The following PCDH11X variants were observed in gnomAD, a reference collection of about 807,000 sequenced individuals.
PCDH11X encodes protocadherin 11 X-linked, also known as protocadherin-11 X-linked.
PCDH11X carries 18 observed loss-of-function variants against 53.3 expected under a neutral mutation model. That is an observed-to-expected ratio of 0.34 (90% confidence interval 0.23 to 0.50). The LOEUF (loss-of-function observed/expected upper bound fraction) is 0.50, where lower values mean the gene tolerates loss of function less well. Among genes scored for constraint, PCDH11X ranks in the 20% least tolerant of loss-of-function variants. The pLI, the probability that PCDH11X is intolerant of heterozygous loss-of-function variation, is 0.98. For synonymous variants in PCDH11X, 279 were observed against 393.3 expected (o/e 0.71, Z 3.44); for missense variants, 570 against 1,032.4 (o/e 0.55, Z 6.14).
chrX:92,077,080 G>A (rs2063783853), intron 6 of PCDH11X, among the ~76,000 whole-genome samples: 1 of 111,842 alleles, frequency 8.9e-6, no homozygotes, highest in Non-Finnish European at 1.9e-5. Context: ...AAACTGTATA[G>A]CATCTATCAT....
intron 9 of PCDH11X, among the ~76,000 whole-genome samples, chrX:92,393,765 G>T (rs1359657156): frequency 9.1e-6 from 1 of 110,378 alleles, no homozygotes; most frequent in Non-Finnish European, 1.9e-5. Flanking sequence ...ATAAAGAATG[G>T]TTCCACCCAA....
intron 6 of PCDH11X, among the ~76,000 whole-genome samples, chrX:92,078,588 ACT>A (rs1336443749): frequency 4.5e-5 from 5 of 110,048 alleles, no homozygotes; most frequent in Non-Finnish European, 5.7e-5. Context: ...GCATGGTACC[ACT>A]CTCTCGATTA....
intron 6 of PCDH11X, among the ~76,000 whole-genome samples, chrX:91,916,564 A>C (rs1487290997): frequency 9.0e-6 from 1 of 110,927 alleles, no homozygotes; most frequent in Admixed American, 9.6e-5. Context: ...AAAACTAGGA[A>C]ATCTAGAGGA....
chrX:92,280,794 A>ATT (rs2068235347), intron 8 of PCDH11X, among the ~76,000 whole-genome samples: 2 of 110,381 alleles, frequency 1.8e-5, no homozygotes, highest in African/African-American at 6.6e-5. Flanking sequence ...TTTTTTTTAA[A>ATT]AAAAAATTGA....
chrX:92,087,776 G>A (rs6652289), intron 6 of PCDH11X, among the ~76,000 whole-genome samples: 2,602 of 109,573 alleles, frequency 0.024, 73 homozygotes, highest in African/African-American at 0.082. Context: ...GCTAAAAATG[G>A]AATTCATTTT....
chrX:91,975,401 A>G (rs920090490), intron 6 of PCDH11X, among the ~76,000 whole-genome samples: 85 of 111,914 alleles, frequency 7.6e-4, no homozygotes, highest in Non-Finnish European at 1.5e-3. Flanking sequence ...TTAAGATGTC[A>G]ATTAGATATC....
At chrX:92,402,415 T>C (rs1012131989) in intron 9 of PCDH11X, among the ~76,000 whole-genome samples, 8 of 111,247 alleles carry the variant, frequency 7.2e-5, no homozygotes, top group African/African-American at 3.3e-5. Flanking sequence ...CAAAACAACA[T>C]GGTACTGGTA....
chrX:91,875,139 CT>C (rs1358932067), intron 5 of PCDH11X, among the ~76,000 whole-genome samples: 1 of 110,426 alleles, frequency 9.1e-6, no homozygotes, highest in Non-Finnish European at 1.9e-5. Flanking sequence ...CCTCCAGTAC[CT>C]TTTTATCTCA....
intron 8 of PCDH11X, among the ~76,000 whole-genome samples, chrX:92,315,185 C>T (rs2755343): frequency 5.5e-4 from 62 of 111,729 alleles, no homozygotes; most frequent in African/African-American, 1.8e-3. Flanking sequence ...TGCTCATAGA[C>T]GCACTGTAAT....
At chrX:91,940,695 A>ATT (rs10611094) in intron 6 of PCDH11X, among the ~76,000 whole-genome samples, 7 of 84,928 alleles carry the variant, frequency 8.2e-5, no homozygotes, top group Non-Finnish European at 1.4e-4. Flanking sequence ...GGCTAATAGA[A>ATT]TTTTTTTTTT....
At chrX:92,117,150 T>C (rs777082866) in intron 6 of PCDH11X, among the ~76,000 whole-genome samples, 1 of 108,484 alleles carries the variant, frequency 9.2e-6, no homozygotes, top group Non-Finnish European at 1.9e-5. Flanking sequence ...CAAACAGTAA[T>C]ACTGTGGTAG....
chrX:92,559,307 C>T (rs1371461640), intron 10 of PCDH11X, among the ~76,000 whole-genome samples: 1 of 111,160 alleles, frequency 9.0e-6, no homozygotes, highest in East Asian at 2.8e-4. Context: ...ATGTTTATGA[C>T]TAATCAAATA....
chrX:92,226,713 C>T (rs1025449287), intron 7 of PCDH11X, among the ~76,000 whole-genome samples: 1 of 110,765 alleles, frequency 9.0e-6, no homozygotes, highest in Non-Finnish European at 1.9e-5. Flanking sequence ...GTAGTCTAGC[C>T]TCAGGGAGAA....
intron 6 of PCDH11X, among the ~76,000 whole-genome samples, chrX:91,963,787 G>A (rs1300371333): frequency 9.0e-6 from 1 of 111,003 alleles, no homozygotes; most frequent in Non-Finnish European, 1.9e-5. Context: ...CAGCATGGCT[G>A]GAGAAGCCTC....
chrX:92,012,999 C>T (rs182701085), intron 6 of PCDH11X, among the ~76,000 whole-genome samples: 1,610 of 111,565 alleles, frequency 0.014, 37 homozygotes, highest in African/African-American at 0.05. Context: ...CTCACCACTC[C>T]TTTTCAACAT....
rs1180864638 is a variant in PCDH11X at position 92,100,445 on chromosome X, C to CAAA, written c.3034-100928_3034-100927insAAA. On this transcript the variant is annotated intron_variant, in intron 6 of 10. Coordinates refer to ENST00000682573, the MANE Select transcript of PCDH11X (RefSeq NM_032968.5). ...CTCTGGCGGGTAGGAGTGGGGGTCG[C>CAAA]AAGGTGCTCAGTGGGGGTGCTTTTT... 4.9e-3 allele frequency among the ~76,000 whole-genome samples: 530 copies of CAAA among 109,115 alleles called. 1 individual carries two copies. Among genetic ancestry groups the CAAA allele is most frequent in the African/African-American group, 0.017 (500 of 29,664 alleles). The allele number at this position is 109,115 out of a possible 115,157, so 94.8% of individuals were successfully genotyped here. A position where few individuals can be genotyped will look rare whatever the true frequency, so the allele number is the denominator to read the frequency against.
chrX:91,911,509 T>A (rs1294309092), intron 6 of PCDH11X, among the ~76,000 whole-genome samples: 1 of 106,835 alleles, frequency 9.4e-6, no homozygotes, highest in African/African-American at 3.4e-5. Flanking sequence ...AATTAAATTA[T>A]TATTGACTAT....
At chrX:92,261,050 G>GT (rs1463013387) in intron 7 of PCDH11X, among the ~76,000 whole-genome samples, 2 of 110,375 alleles carry the variant, frequency 1.8e-5, no homozygotes, top group African/African-American at 3.3e-5. Context: ...TTTTCATCAT[G>GT]TTTTTTCCCC....
rs1483470731 is a variant in PCDH11X, at chrX:91,951,857, A to G, written c.3033+72584A>G. On this transcript the variant is annotated intron_variant, in intron 6 of 10. Transcript: ENST00000682573. Reference sequence around the variant, plus strand: ...ACCCGTTAGCACTGGTGGGTAGGAAAGCTTCCAGTTGCTCTGTCAGGAGCC... The same window carrying G: ...ACCCGTTAGCACTGGTGGGTAGGAAGGCTTCCAGTTGCTCTGTCAGGAGCC... Among the ~76,000 whole-genome samples the G allele has an allele frequency of 2.7e-5, 3 of 111,764 alleles. No individual in the cohort carries two copies. In the East Asian group the frequency reaches 8.5e-4, roughly 32 times the overall value.
Sources: allele counts gnomAD v4.1 joint callset (sites outside exome capture counted in the v4.1 genomes callset), GRCh38; gene constraint gnomAD v4.1.1; transcripts MANE v1.5; gene names NCBI Gene and HGNC (gene_info 2026-07-23, HGNC 2026-07-21).